The following HDAC4 variants were observed in gnomAD, a reference collection of about 807,000 sequenced individuals.
The protein encoded by HDAC4 is histone deacetylase 4.
In HDAC4, 16 loss-of-function variants were observed where a neutral mutation model predicts 135.1. That is an observed-to-expected ratio of 0.12 (90% CI 0.08 to 0.18). The LOEUF (loss-of-function observed/expected upper bound fraction) is 0.18. Ranked by LOEUF, HDAC4 falls within the 10% of genes least tolerant of loss-of-function variation. The pLI, the probability that HDAC4 is intolerant of heterozygous loss-of-function variation, is 1.00. For synonymous variants in HDAC4, 685 were observed against 653.4 expected, an observed-to-expected ratio of 1.05 and a Z score of -0.74; for missense variants, 1,143 against 1,511.8, an observed-to-expected ratio of 0.76 and a Z score of 4.05.
chr2:239,217,729 C>T (rs2046719975), intron 3 of HDAC4, among the ~76,000 whole-genome samples: 1 of 152,110 alleles, frequency 6.6e-6, no homozygotes, highest in South Asian at 2.1e-4. Flanking sequence ...ACACACCAGA[C>T]CAAATAAAAG....
chr2:239,327,421 T>G (rs2053503113), intron 2 of HDAC4, among the ~76,000 whole-genome samples: 1 of 152,248 alleles, frequency 6.6e-6, no homozygotes. Flanking sequence ...AGCCCAGGTG[T>G]CCAGCGAGTG....
chr2:239,280,862 TCTA>T (rs2050674949), intron 2 of HDAC4, among the ~76,000 whole-genome samples: 1 of 130,938 alleles, frequency 7.6e-6, no homozygotes, highest in African/African-American at 3.0e-5. Context: ...TGTACACACC[TCTA>T]CAATGTACAC....
intron 2 of HDAC4, among the ~76,000 whole-genome samples, chr2:239,300,730 C>T (rs1425376429): frequency 1.3e-5 from 2 of 152,246 alleles, no homozygotes; most frequent in Non-Finnish European, 2.9e-5. Flanking sequence ...GCTGTAAAAA[C>T]ACCCGAACTC....
At chr2:239,286,775 C>T (rs188107220) in intron 2 of HDAC4, among the ~76,000 whole-genome samples, 10 of 152,062 alleles carry the variant, frequency 6.6e-5, no homozygotes, top group East Asian at 3.9e-4. Context: ...TGAGGTAGGC[C>T]GGCCAAGGAT....
At chr2:239,082,886 A>C (rs2035487605) in intron 20 of HDAC4, among the ~76,000 whole-genome samples, 3 of 152,252 alleles carry the variant, frequency 2.0e-5, no homozygotes, top group African/African-American at 2.4e-5. Context: ...GCAGGTGGTC[A>C]CCAGGATGGG....
chr2:239,329,735 A>G (rs530784892), intron 2 of HDAC4, among the ~76,000 whole-genome samples: 5 of 152,306 alleles, frequency 3.3e-5, no homozygotes, highest in Admixed American at 1.3e-4. Flanking sequence ...CTGGGCTACA[A>G]AGGGTTCTGG....
chr2:239,170,900 G>A (rs145159349), intron 5 of HDAC4, among the ~76,000 whole-genome samples: 182 of 152,292 alleles, frequency 1.2e-3, no homozygotes, highest in Middle Eastern at 3.4e-3. Flanking sequence ...GAGCTTGTGC[G>A]TAGGACCTCA....
At chr2:239,134,468 G>A (rs983959871) in intron 10 of HDAC4, 25 bp from the exon 11 acceptor site, 21 of 1,613,624 alleles carry the variant, frequency 1.3e-5, no homozygotes, top group East Asian at 2.2e-5. Context: ...CAGGATGCTC[G>A]GGTGGAAGGA....
intron 2 of HDAC4, among the ~76,000 whole-genome samples, chr2:239,287,694 T>A (rs1266515695): frequency 1.3e-5 from 2 of 152,092 alleles, no homozygotes; most frequent in African/African-American, 4.8e-5. Flanking sequence ...AAAGCTGACT[T>A]ACAACTAAGG....
chr2:239,072,635 C>T (rs941564792), intron 22 of HDAC4, among the ~76,000 whole-genome samples: 1 of 152,248 alleles, frequency 6.6e-6, no homozygotes, highest in Non-Finnish European at 1.5e-5. Flanking sequence ...AGTGTCCCTT[C>T]CCACCACCAA....
At chr2:239,145,951 G>A (rs1304260848) in intron 7 of HDAC4, among the ~76,000 whole-genome samples, 1 of 152,192 alleles carries the variant, frequency 6.6e-6, no homozygotes, top group African/African-American at 2.4e-5. Flanking sequence ...GGAAGGATGT[G>A]GGAGAAGCAA....
intron 16 of HDAC4, among the ~76,000 whole-genome samples, chr2:239,099,759 G>A (rs2037445172): frequency 6.6e-6 from 1 of 152,212 alleles, no homozygotes; most frequent in South Asian, 2.1e-4. Flanking sequence ...CTTCCTAGGG[G>A]TAGCTGCATC....
intron 2 of HDAC4, among the ~76,000 whole-genome samples, chr2:239,269,739 T>A (rs957851152): frequency 1.3e-5 from 2 of 152,178 alleles, no homozygotes; most frequent in Non-Finnish European, 2.9e-5. Context: ...CACAGAAGGT[T>A]TCTAAGGGAA....
intron 1 of HDAC4, among the ~76,000 whole-genome samples, chr2:239,390,215 G>GAAATACCTCCCTGCT (rs1030931102): frequency 6.6e-6 from 1 of 152,190 alleles, no homozygotes; most frequent in African/African-American, 2.4e-5. Context: ...GGAGCTACCA[G>GAAATACCTCCCTGCT]AAATACCTCC....
chr2:239,313,315 G>A lies in HDAC4; in HGVS notation c.22+39363C>T, dbSNP rs1232921902. Among the ~76,000 whole-genome samples the A allele has an allele frequency of 1.3e-5, 2 of 152,184 alleles. No homozygotes were observed. The highest frequency in any genetic ancestry group is 4.8e-5 in the African/African-American group (2 of 41,438). On this transcript the variant is annotated intron_variant, in intron 2 of 26. Coordinates refer to ENST00000543185, the MANE Select transcript of HDAC4 (RefSeq NM_001378414.1). The surrounding 1 kb of genome is among the most constrained non-coding windows in gnomAD (Gnocchi z 5.1). ...CGCTGATGTAAATGTCCCTGCAGCA[G>A]CCAGGGACTAATTTTAGAAGGGGCT...
chr2:239,094,258 T>C (rs1574999048), intron 17 of HDAC4: 2 of 985,330 alleles, frequency 2.0e-6, no homozygotes, highest in East Asian at 2.3e-4. Flanking sequence ...CTGCCCAGGC[T>C]GCATCAAGGA....
chr2:239,298,863 A>ATTTTTTTTTTTT (rs35449811), intron 2 of HDAC4, among the ~76,000 whole-genome samples: 1 of 82,986 alleles, frequency 1.2e-5, no homozygotes, highest in Non-Finnish European at 2.2e-5. Context: ...GCCATAGCCT[A>ATTTTTTTTTTTT]TTTTTTTTTT....
chr2:239,121,497 G>A (rs1455372276), intron 12 of HDAC4, among the ~76,000 whole-genome samples: 2 of 152,230 alleles, frequency 1.3e-5, no homozygotes, highest in Non-Finnish European at 2.9e-5. Flanking sequence ...AAGGGCTCTT[G>A]GATGGCCCTT....
At chr2:239,283,285 A>T (rs960442434) in intron 2 of HDAC4, among the ~76,000 whole-genome samples, 3 of 152,150 alleles carry the variant, frequency 2.0e-5, no homozygotes, top group Non-Finnish European at 4.4e-5. Context: ...AGCTAAAAAA[A>T]CTCTGCATGA....
Sources: gnomAD v4.1 joint callset for allele counts (sites outside exome capture counted in the v4.1 genomes callset) on GRCh38, gnomAD v4.1.1 for gene constraint, Gnocchi (gnomAD v3.1) non-coding constraint, MANE v1.5 for transcripts, NCBI Gene and HGNC (gene_info 2026-07-23, HGNC 2026-07-21) for gene names.